Variants in PTPRN2 observed in about 807,000 individuals in gnomAD.
PTPRN2 encodes receptor-type tyrosine-protein phosphatase N2.
In PTPRN2, 74 loss-of-function variants were observed where a neutral mutation model predicts 118.8. The ratio of observed to expected loss-of-function variants is 0.62; its 90% CI spans 0.52 to 0.76. The LOEUF is 0.76. Ranked by LOEUF, PTPRN2 falls within the 30% of genes least tolerant of loss-of-function variation. The pLI, the probability that PTPRN2 is intolerant of heterozygous loss-of-function variation, is 0.00. For synonymous variants in PTPRN2, 641 were observed against 608.0 expected, an observed-to-expected ratio of 1.05 and a Z score of -0.80; for missense variants, 1,481 against 1,394.4, an observed-to-expected ratio of 1.06 and a Z score of -0.99.
At chr7:158,150,881 G>C (rs74185747) in intron 6 of PTPRN2, among the ~76,000 whole-genome samples, 4 of 152,048 alleles carry the variant, frequency 2.6e-5, no homozygotes, top group African/African-American at 4.8e-5. Flanking sequence ...CAACGTGCTG[G>C]TGGAATTATC....
At chr7:158,179,424 G>A (rs1308127086) in intron 5 of PTPRN2, among the ~76,000 whole-genome samples, 4 of 151,994 alleles carry the variant, frequency 2.6e-5, no homozygotes, top group African/African-American at 4.8e-5. Context: ...TGCATAGTTT[G>A]CAAATATTTT....
At chr7:158,226,127 C>T (rs1454597757) in intron 3 of PTPRN2, among the ~76,000 whole-genome samples, 1 of 152,176 alleles carries the variant, frequency 6.6e-6, no homozygotes, top group Non-Finnish European at 1.5e-5. Flanking sequence ...TGAGCCAGCA[C>T]TATTCTAAGT....
At chr7:157,818,430 G>A (rs1237861282) in intron 12 of PTPRN2, among the ~76,000 whole-genome samples, 1 of 152,138 alleles carries the variant, frequency 6.6e-6, no homozygotes, top group Non-Finnish European at 1.5e-5. Flanking sequence ...TCAATAATCT[G>A]GACATTTGGG....
At chr7:157,963,261 C>T (rs912100196) in intron 11 of PTPRN2, among the ~76,000 whole-genome samples, 7 of 152,192 alleles carry the variant, frequency 4.6e-5, no homozygotes, top group South Asian at 4.1e-4. Flanking sequence ...TGTAGAATAG[C>T]GGGCTGGGGG....
chr7:157,720,268 C>A (rs925422099), intron 12 of PTPRN2, among the ~76,000 whole-genome samples: 5 of 152,186 alleles, frequency 3.3e-5, no homozygotes, highest in African/African-American at 1.2e-4. Context: ...TTGGTAGCTA[C>A]CCTCGCCCCA....
chr7:157,781,308 G>C (rs78944202), intron 12 of PTPRN2, among the ~76,000 whole-genome samples: 43 of 152,222 alleles, frequency 2.8e-4, no homozygotes, highest in African/African-American at 1.0e-3. Context: ...GGACATGTCC[G>C]GACCAAAACA....
chr7:158,059,901 T>C (rs1810178890), intron 11 of PTPRN2, among the ~76,000 whole-genome samples: 1 of 101,958 alleles, frequency 9.8e-6, no homozygotes, highest in Admixed American at 9.2e-5. Context: ...CCACACTCCA[T>C]CTGCACACGG....
At chr7:157,826,817 T>G (rs1156657494) in intron 12 of PTPRN2, among the ~76,000 whole-genome samples, 2 of 151,910 alleles carry the variant, frequency 1.3e-5, no homozygotes, top group Non-Finnish European at 2.9e-5. Flanking sequence ...GATGTCACCG[T>G]CCTCCTGTGA....
chr7:157,816,513 G>A (rs1053833591), intron 12 of PTPRN2, among the ~76,000 whole-genome samples: 20 of 152,240 alleles, frequency 1.3e-4, no homozygotes, highest in African/African-American at 4.8e-4. Context: ...GGATATGAGT[G>A]AGAAACAAAC....
At chr7:158,507,570 T>G (rs1046746254) in intron 1 of PTPRN2, among the ~76,000 whole-genome samples, 4 of 148,466 alleles carry the variant, frequency 2.7e-5, no homozygotes, top group Admixed American at 2.7e-4. Flanking sequence ...AGCCCCGTGC[T>G]AGGCAGGAAA....
Position 157,618,937 on chromosome 7 carries a change from G to A in PTPRN2, c.2344+2425C>T, listed in dbSNP as rs931522247. On this transcript the variant is annotated intron_variant, in intron 15 of 22. Coordinates refer to ENST00000389418, the MANE Select transcript of PTPRN2 (RefSeq NM_002847.5). This position sits in a 1 kb window ranked among gnomAD's most constrained non-coding sequence, Gnocchi z 4.2. ...TCTTTCTGGCTCCAGTGCGAGTCTC[G>A]GGAGGGAGGTGCTTTCCCCCTCACC... is the stretch of plus-strand genomic sequence containing the variant. Among the ~76,000 whole-genome samples the A allele has an allele frequency of 2.0e-5, 3 of 151,994 alleles. No homozygotes were observed. The highest frequency in any genetic ancestry group is 4.2e-4 in the South Asian group (2 of 4,808).
chr7:158,082,048 G>A (rs1418759226), intron 10 of PTPRN2, among the ~76,000 whole-genome samples: 1 of 152,186 alleles, frequency 6.6e-6, no homozygotes, highest in East Asian at 1.9e-4. Flanking sequence ...AAGACAGACA[G>A]ACTGACCCCA....
chr7:158,017,218 G>C (rs1384133572), intron 11 of PTPRN2, among the ~76,000 whole-genome samples: 1 of 152,210 alleles, frequency 6.6e-6, no homozygotes, highest in Non-Finnish European at 1.5e-5. Context: ...CAAAATGAAG[G>C]AGCTTGTTTC....
chr7:158,327,574 A>G (rs114381866), intron 2 of PTPRN2, among the ~76,000 whole-genome samples: 234 of 152,328 alleles, frequency 1.5e-3, no homozygotes, highest in African/African-American at 5.3e-3. Context: ...ACACATGTAC[A>G]TGTTCTCATG....
intron 6 of PTPRN2, among the ~76,000 whole-genome samples, chr7:158,155,259 G>A (rs1821597475): frequency 6.6e-6 from 1 of 152,148 alleles, no homozygotes; most frequent in Non-Finnish European, 1.5e-5. Context: ...CAAACAAAAT[G>A]GTACAAGCTT....
intron 12 of PTPRN2, among the ~76,000 whole-genome samples, chr7:157,810,852 A>G (rs1805983385): frequency 6.6e-6 from 1 of 151,854 alleles, no homozygotes. Flanking sequence ...TGTGCTCCTC[A>G]CCCCAGGGCT....
rs1304737209 is a variant in PTPRN2 at position 158,314,924 on chromosome 7, G to A, written c.277+1895C>T. On this transcript the variant is annotated intron_variant, in intron 3 of 22. Transcript: ENST00000389418. ...AGAGGTGAACCCGGGACGCCCTCAA[G>A]GACAGAGGTGAACCCGGGACCCCCT... Among the ~76,000 whole-genome samples the A allele has an allele frequency of 4.0e-5, 6 of 150,540 alleles. No individual in the cohort carries two copies. In the East Asian group the frequency reaches 9.9e-4, roughly 25 times the overall value.
intron 1 of PTPRN2, chr7:158,541,458 G>A (rs756304355): frequency 1.5e-6 from 2 of 1,351,846 alleles, no homozygotes; most frequent in Non-Finnish European, 9.8e-7. Flanking sequence ...CTGCCACCGA[G>A]GGTCCACTGG....
At chr7:157,599,169 C>T (rs1291045421) in intron 16 of PTPRN2, among the ~76,000 whole-genome samples, 2 of 152,134 alleles carry the variant, frequency 1.3e-5, no homozygotes, top group Non-Finnish European at 2.9e-5. Context: ...GCCACCACAC[C>T]CAGCTACTTT....
Sources: gnomAD v4.1 joint callset for allele counts (sites outside exome capture counted in the v4.1 genomes callset) on GRCh38, gnomAD v4.1.1 for gene constraint, Gnocchi (gnomAD v3.1) non-coding constraint, MANE v1.5 for transcripts, NCBI Gene and HGNC (gene_info 2026-07-23, HGNC 2026-07-21) for gene names.